TG: variants seen among roughly 807,000 people sequenced by gnomAD.
TG encodes thyroglobulin, also known as thyroid hormones.
A neutral mutation model predicts 324.7 loss-of-function variants in TG; 270 were observed. The ratio of observed to expected loss-of-function variants is 0.83; its 90% confidence interval spans 0.75 to 0.92. TG has a LOEUF of 0.92. Ranked by LOEUF, TG falls within the 40% of genes least tolerant of loss-of-function variation. The pLI, the probability that TG is intolerant of heterozygous loss-of-function variation, is 0.00. For missense variants in TG, 3,591 were observed against 3,456.4 expected (o/e 1.04, Z -0.98); for synonymous variants, 1,401 against 1,327.0 (o/e 1.06, Z -1.21).
intron 35 of TG, chr8:133,002,986 ATGT>A: frequency 9.8e-7 from 1 of 1,020,522 alleles, no homozygotes; most frequent in Non-Finnish European, 1.2e-6. Flanking sequence ...ACAGATTCAC[ATGT>A]ACCTGGCCAA....
intron 16 of TG, among the ~76,000 whole-genome samples, chr8:132,902,285 T>C (rs1818034550): frequency 6.6e-6 from 1 of 152,210 alleles, no homozygotes; most frequent in Admixed American, 6.5e-5. Context: ...GATGTTCTTA[T>C]TCTTTCCTTA....
At chr8:132,892,460 G>A (rs189917192) in intron 10 of TG, among the ~76,000 whole-genome samples, 4 of 152,314 alleles carry the variant, frequency 2.6e-5, no homozygotes, top group East Asian at 3.9e-4. Flanking sequence ...GATTGTCTGC[G>A]TAGATGTGCT....
intron 45 of TG, among the ~76,000 whole-genome samples, chr8:133,124,837 A>T (rs1851399870): frequency 6.6e-6 from 1 of 152,198 alleles, no homozygotes; most frequent in Non-Finnish European, 1.5e-5. Context: ...CGTTCTAGAC[A>T]CTACTGTGCA....
intron 39 of TG, among the ~76,000 whole-genome samples, chr8:133,021,335 C>T (rs970420737): frequency 1.3e-5 from 2 of 152,128 alleles, no homozygotes; most frequent in African/African-American, 4.8e-5. Flanking sequence ...ACCCAGAATG[C>T]TTTTTTGGAA....
At chr8:132,873,449 T>G (rs1839686902) in intron 5 of TG, among the ~76,000 whole-genome samples, 1 of 152,216 alleles carries the variant, frequency 6.6e-6, no homozygotes, top group Admixed American at 6.5e-5. Context: ...GCCAATGAAA[T>G]GTAAAACATC....
intron 40 of TG, among the ~76,000 whole-genome samples, chr8:133,026,098 G>A (rs1366149752): frequency 6.6e-6 from 1 of 152,208 alleles, no homozygotes; most frequent in Non-Finnish European, 1.5e-5. Flanking sequence ...TCCTGGCCCA[G>A]TATCTAGCTG....
chr8:133,070,307 G>A (rs1381920846), intron 41 of TG, among the ~76,000 whole-genome samples: 5 of 152,234 alleles, frequency 3.3e-5, no homozygotes, highest in South Asian at 2.1e-4. Flanking sequence ...GGAGCGAACC[G>A]ACTCTTTATG....
chr8:133,050,716 A>T (rs1462287076), intron 41 of TG: 2 of 784,054 alleles, frequency 2.6e-6, no homozygotes, highest in Non-Finnish European at 4.5e-6. Context: ...ACCAGGACTC[A>T]TGTGGAACTA....
At chr8:133,036,266 T>C (rs938693350) in intron 41 of TG, among the ~76,000 whole-genome samples, 14 of 152,164 alleles carry the variant, frequency 9.2e-5, no homozygotes, top group Non-Finnish European at 1.5e-4. Flanking sequence ...CTCATCACCA[T>C]CATTACCAAG....
At position 132,919,655 on chromosome 8, in the gene TG, G is replaced by A. The variant is rs192181166; in HGVS notation, c.4528+130G>A. ...CTTTGTGCAGGGTTGGCCTGTGCTT[G>A]GTAGGATATTTAGTAGCATTGGTAG... is the stretch of plus-strand genomic sequence containing the variant. On this transcript the variant is annotated intron_variant, in intron 21 of 47. Coordinates refer to ENST00000220616, the MANE Select transcript of TG (RefSeq NM_003235.5). The A allele has an allele frequency of 3.8e-6, 5 of 1,307,454 alleles. No homozygotes were observed. The East Asian group carries it at 9.4e-5, about 25-fold the overall frequency. The allele number at this position is 1,307,454 out of a possible 1,614,324, so 81.0% of individuals were successfully genotyped here.
intron 42 of TG, among the ~76,000 whole-genome samples, chr8:133,095,671 A>G (rs2131639400): frequency 6.6e-6 from 1 of 152,334 alleles, no homozygotes; most frequent in South Asian, 2.1e-4. Flanking sequence ...CCTTTATAGC[A>G]TGCAAAGTTC....
At position 132,933,604 on chromosome 8, in the gene TG, G is replaced by A. The variant is rs763087588; in HGVS notation, c.4860G>A (p.Thr1620=). The change falls in exon 24 of 48, where the codon ACG becomes ACA. Residue 1620 remains threonine (T), a synonymous_variant. Coordinates refer to ENST00000220616, the MANE Select transcript of TG (RefSeq NM_003235.5). ...DEACSFFTVS[T]TEPEISCDFY... is the part of the protein sequence containing the mutation. ...CCTGCAGCTTCTTCACCGTGTCCACGACGGAGCCAGAGATTTCCTGTGATT... is the reference window on the plus strand; with the variant it reads ...CCTGCAGCTTCTTCACCGTGTCCACAACGGAGCCAGAGATTTCCTGTGATT... The A allele has an allele frequency of 1.1e-5, 17 of 1,614,028 alleles. No individual in the cohort carries two copies. The highest frequency in any genetic ancestry group is 6.7e-5 in the African/African-American group (5 of 74,892).
At chr8:132,993,494 C>CT (rs1587710276) in intron 35 of TG, among the ~76,000 whole-genome samples, 1 of 152,214 alleles carries the variant, frequency 6.6e-6, no homozygotes, top group South Asian at 2.1e-4. Flanking sequence ...CATAAAATGG[C>CT]TGTACTCAAT....
In TG at chr8:132,898,849, A is replaced by C. The variant is rs772889117; in HGVS notation, c.3269A>C (p.Lys1090Thr). ...SRTSGLLSSWKQARSQENPSP... is the reference protein window; with the variant it reads ...SRTSGLLSSWTQARSQENPSP... ...ACCAGTGGGCTGCTTTCCAGTTGGA[A>C]ACAGGCTAGATCCCAAGAAAACCCA... Residue 1090 changes from lysine (K) to threonine (T), a missense_variant, in exon 14 of 48, where the codon AAA becomes ACA. Physicochemically the swap from Lys to Thr is moderately conservative, Grantham distance 78 (BLOSUM62 -1). Transcript: ENST00000220616. The C allele has an allele frequency of 1.9e-6, 3 of 1,614,218 alleles. No individual in the cohort carries two copies. The Admixed American group carries it at 5.0e-5, about 27-fold the overall frequency.
intron 18 of TG, among the ~76,000 whole-genome samples, chr8:132,910,645 A>T (rs1017810972): frequency 6.6e-5 from 10 of 152,190 alleles, no homozygotes; most frequent in Non-Finnish European, 1.5e-4. Flanking sequence ...GAAGACAGAC[A>T]TTTATGAAGA....
intron 41 of TG, among the ~76,000 whole-genome samples, chr8:133,056,080 C>A (rs1425475726): frequency 6.6e-6 from 1 of 152,142 alleles, no homozygotes; most frequent in Non-Finnish European, 1.5e-5. Flanking sequence ...TCTCCCTGGG[C>A]AGGGCAGGGC....
Position 132,893,825 on chromosome 8 carries a change from G to A in TG, c.2897G>A (p.Arg966Lys), listed in dbSNP as rs1816700169. 1 of 1,613,894 alleles carries A rather than the reference G, an allele frequency of 6.2e-7. No homozygotes were observed. ...SFLVAKGIRL[R>K]NEDLGLPPLF... ...CTGGTGGCCAAGGGAATCCGGCTGA[G>A]GAATGAGGACCTCGGCCTTCCTCCG... is the stretch of plus-strand genomic sequence containing the variant. Residue 966 changes from arginine (R) to lysine (K), a missense_variant, in exon 11 of 48, where the codon AGG becomes AAG. Arg to Lys is a conservative substitution (Grantham distance 26, BLOSUM62 2). Coordinates refer to ENST00000220616, the MANE Select transcript of TG (RefSeq NM_003235.5).
chr8:133,056,053 C>T lies in TG; in HGVS notation c.7239+26030C>T, dbSNP rs149582840. 5.7e-3 allele frequency among the ~76,000 whole-genome samples: 866 copies of T among 152,254 alleles called. 10 individuals carry two copies. Among genetic ancestry groups the T allele is most frequent in the African/African-American group, 0.02 (829 of 41,558 alleles). On this transcript the variant is annotated intron_variant, in intron 41 of 47. Transcript: ENST00000220616. The stretch of plus-strand genomic sequence containing the variant: ...AGCACACACCTAGGAAGCTGAGTGC[C>T]AGGTTTCAAAACCAGGTCTCCCTGG...
chr8:132,873,440 C>T lies in TG; in HGVS notation c.638+219C>T, dbSNP rs1839686003. Among the ~76,000 whole-genome samples the T allele has an allele frequency of 2.6e-5, 4 of 152,280 alleles. No individual in the cohort carries two copies. The South Asian group carries it at 8.3e-4, about 32-fold the overall frequency. On this transcript the variant is annotated intron_variant, in intron 5 of 47. Transcript: ENST00000220616. ...AATGAAAAATAGATGTGCCCTCTGG[C>T]CAATGAAATGTAAAACATCAGAATG...
Sources: gnomAD v4.1 joint callset for allele counts (sites outside exome capture counted in the v4.1 genomes callset) on GRCh38, gnomAD v4.1.1 for gene constraint, MANE v1.5 for transcripts, NCBI Gene and HGNC (gene_info 2026-07-23, HGNC 2026-07-21) for gene names.